Variants in GRID2 observed in about 807,000 individuals in gnomAD.
The protein encoded by GRID2 is glutamate ionotropic receptor delta type subunit 2, also known as glutamate receptor ionotropic, delta-2.
In GRID2, 33 loss-of-function variants were observed where a neutral mutation model predicts 114.8. The observed-to-expected ratio is 0.29, with a 90% CI of 0.22 to 0.38. The LOEUF (loss-of-function observed/expected upper bound fraction) is 0.38, where lower values mean the gene tolerates loss of function less well. Ranked by LOEUF, GRID2 falls within the 10% of genes least tolerant of loss-of-function variation. The probability of loss-of-function intolerance (pLI) is 1.00; values close to 1 mark genes in which losing one functional copy is unlikely to be tolerated. For synonymous variants in GRID2, 505 were observed against 449.9 expected (o/e 1.12, Z -1.55); for missense variants, 1,184 against 1,257.7 (o/e 0.94, Z 0.89).
At chr4:92,425,249 G>A (rs950536508) in intron 1 of GRID2, among the ~76,000 whole-genome samples, 3 of 151,964 alleles carry the variant, frequency 2.0e-5, no homozygotes, top group African/African-American at 7.2e-5. Context: ...GCTAAAGGGT[G>A]GCTCGTTTAG....
chr4:92,639,393 A>T (rs1051212340), intron 2 of GRID2, among the ~76,000 whole-genome samples: 20 of 151,842 alleles, frequency 1.3e-4, no homozygotes, highest in African/African-American at 4.8e-4. Flanking sequence ...GACTTAGTTT[A>T]ATATTTCTAT....
intron 8 of GRID2, among the ~76,000 whole-genome samples, chr4:93,338,809 G>C (rs1375106727): frequency 2.0e-5 from 3 of 151,974 alleles, no homozygotes; most frequent in Non-Finnish European, 2.9e-5. Context: ...TTCTCTCCCT[G>C]TAGTAGCCTG....
intron 2 of GRID2, among the ~76,000 whole-genome samples, chr4:92,760,449 C>T (rs1737950947): frequency 6.6e-6 from 1 of 152,028 alleles, no homozygotes; most frequent in Admixed American, 6.6e-5. Flanking sequence ...AGGTCACAGC[C>T]AGTGCTTGTG....
intron 9 of GRID2, among the ~76,000 whole-genome samples, chr4:93,396,853 T>C (rs1324754926): frequency 6.6e-6 from 1 of 152,058 alleles, no homozygotes; most frequent in Non-Finnish European, 1.5e-5. Context: ...GCATACATTC[T>C]CCTTTGCTAT....
chr4:93,538,108 C>T (rs1732282345), intron 13 of GRID2, among the ~76,000 whole-genome samples: 1 of 151,722 alleles, frequency 6.6e-6, no homozygotes. Flanking sequence ...AATCCTTTCT[C>T]TGAACACTGT....
intron 1 of GRID2, among the ~76,000 whole-genome samples, chr4:92,491,614 A>T (rs558877474): frequency 3.3e-5 from 5 of 152,102 alleles, no homozygotes; most frequent in African/African-American, 1.2e-4. Flanking sequence ...TTTCATTGTC[A>T]TGTTTCACAT....
chr4:93,683,463 T>C (rs1256022913), intron 14 of GRID2, among the ~76,000 whole-genome samples: 1 of 152,120 alleles, frequency 6.6e-6, no homozygotes, highest in African/African-American at 2.4e-5. Flanking sequence ...TCCTATACTC[T>C]GCTTACTGTA....
intron 2 of GRID2, among the ~76,000 whole-genome samples, chr4:92,652,939 C>T (rs1363669911): frequency 6.0e-5 from 4 of 66,182 alleles, no homozygotes; most frequent in African/African-American, 1.5e-4. Flanking sequence ...TATATATAAA[C>T]ATATATTTAT....
chr4:93,461,760 G>A (rs1307463945), intron 11 of GRID2, among the ~76,000 whole-genome samples: 1 of 152,122 alleles, frequency 6.6e-6, no homozygotes, highest in Non-Finnish European at 1.5e-5. Context: ...TAAAATGCAC[G>A]AATGAGAGAC....
chr4:93,807,747 A>T (rs1221480717), exon 2 of GRID2: 2 of 152,236 alleles, frequency 1.3e-5, no homozygotes, highest in Admixed American at 6.5e-5. Flanking sequence ...ATAGGGAAGC[A>T]TCATATGAAA....
intron 9 of GRID2, among the ~76,000 whole-genome samples, chr4:93,406,894 G>A (rs1579977660): frequency 6.6e-6 from 1 of 152,068 alleles, no homozygotes; most frequent in Non-Finnish European, 1.5e-5. Context: ...ATATAAATTA[G>A]CATTGGGTAA....
intron 8 of GRID2, among the ~76,000 whole-genome samples, chr4:93,315,412 G>A (rs1282491391): frequency 1.3e-5 from 2 of 152,208 alleles, no homozygotes; most frequent in East Asian, 3.9e-4. Flanking sequence ...CCTACCCACT[G>A]TCCCCTGGCA....
At chr4:93,260,962 A>T (rs1750186540) in intron 8 of GRID2, among the ~76,000 whole-genome samples, 1 of 151,830 alleles carries the variant, frequency 6.6e-6, no homozygotes, top group East Asian at 1.9e-4. Context: ...CCTAACAAGC[A>T]CATCATTCTG....
At chr4:92,828,757 CT>C (rs920483732) in intron 2 of GRID2, among the ~76,000 whole-genome samples, 13 of 152,076 alleles carry the variant, frequency 8.5e-5, no homozygotes, top group African/African-American at 3.1e-4. Context: ...AATTTGCTAG[CT>C]TTTTTTATGC....
At chr4:92,746,048 G>T (rs1291909967) in intron 2 of GRID2, among the ~76,000 whole-genome samples, 1 of 152,040 alleles carries the variant, frequency 6.6e-6, no homozygotes, top group African/African-American at 2.4e-5. Flanking sequence ...CAGTACGTCT[G>T]CATCCAGCCA....
At chr4:93,765,608 T>TTATATATA (rs66550272) in intron 14 of GRID2, among the ~76,000 whole-genome samples, 111 of 29,480 alleles carry the variant, frequency 3.8e-3, no homozygotes, top group African/African-American at 0.012. Flanking sequence ...AGGTGAGGTA[T>TTATATATA]TATATATATA....
rs572707647 is a variant in GRID2, at chr4:92,639,323, A to T, written c.244+49037A>T. ...GATCTTATGTATGTCTAAAAGATAC[A>T]TTAGGTCTCATATATCTAATATTTG... is the stretch of plus-strand genomic sequence containing the variant. On this transcript the variant is annotated intron_variant, in intron 2 of 15. Transcript: ENST00000282020. Among the ~76,000 whole-genome samples the T allele has an allele frequency of 2.6e-5, 4 of 151,954 alleles. 1 individual carries two copies. Among genetic ancestry groups the T allele is most frequent in the South Asian group, 4.1e-4 (2 of 4,822 alleles).
At chr4:93,691,691 G>C (rs1325505323) in intron 14 of GRID2, among the ~76,000 whole-genome samples, 1 of 151,942 alleles carries the variant, frequency 6.6e-6, no homozygotes, top group South Asian at 2.1e-4. Flanking sequence ...AGAAAGATGT[G>C]TGCTATTTCA....
intron 2 of GRID2, among the ~76,000 whole-genome samples, chr4:92,671,889 T>G (rs570568819): frequency 7.2e-5 from 11 of 152,154 alleles, no homozygotes; most frequent in Non-Finnish European, 1.5e-4. Flanking sequence ...TTCCAGAACC[T>G]TTCCTTGAAT....
Sources: gnomAD v4.1 joint callset for allele counts (sites outside exome capture counted in the v4.1 genomes callset) on GRCh38, gnomAD v4.1.1 for gene constraint, MANE v1.5 for transcripts, NCBI Gene and HGNC (gene_info 2026-07-23, HGNC 2026-07-21) for gene names.